Variants in MEGF10 observed in about 807,000 individuals in gnomAD.
MEGF10 encodes the protein multiple epidermal growth factor-like domains protein 10.
MEGF10 carries 86 observed loss-of-function variants against 147.5 expected under a neutral mutation model. The observed-to-expected ratio is 0.58, with a 90% CI of 0.49 to 0.70. The LOEUF (loss-of-function observed/expected upper bound fraction) is 0.70, where lower values mean the gene tolerates loss of function less well. Ranked by LOEUF, MEGF10 falls within the 30% of genes least tolerant of loss-of-function variation. MEGF10 has a pLI of 0.00. For missense variants in MEGF10, 1,329 were observed against 1,487.3 expected, an observed-to-expected ratio of 0.89 and a Z score of 1.75; for synonymous variants, 478 against 525.5, an observed-to-expected ratio of 0.91 and a Z score of 1.24.
chr5:127,405,391 T>A (rs1270805532), intron 8 of MEGF10, among the ~76,000 whole-genome samples: 1 of 152,186 alleles, frequency 6.6e-6, no homozygotes, highest in Non-Finnish European at 1.5e-5. Flanking sequence ...TGTAATTTTT[T>A]AAAATTTCAT....
intron 1 of MEGF10, among the ~76,000 whole-genome samples, chr5:127,304,646 G>A (rs1390530884): frequency 6.6e-6 from 1 of 152,180 alleles, no homozygotes; most frequent in South Asian, 2.1e-4. Context: ...GGTGCCTGCC[G>A]CCATGCCCTG....
At chr5:127,264,726 C>T in the MEGF10 span, among the ~76,000 whole-genome samples, 1 of 152,048 alleles carries the variant, frequency 6.6e-6, no homozygotes, top group Admixed American at 6.6e-5. Flanking sequence ...ATCCTAAATA[C>T]ATGATAAAAA....
At chr5:127,312,940 A>C (rs962416059) in intron 1 of MEGF10, among the ~76,000 whole-genome samples, 2 of 152,132 alleles carry the variant, frequency 1.3e-5, no homozygotes, top group African/African-American at 4.8e-5. Flanking sequence ...TCTGTCTTTG[A>C]TTGTGGCAGT....
At chr5:127,263,357 G>C in the MEGF10 span, among the ~76,000 whole-genome samples, 1 of 151,858 alleles carries the variant, frequency 6.6e-6, no homozygotes, top group African/African-American at 2.4e-5. Context: ...TAGATAAGCA[G>C]GACATTCATG....
chr5:127,448,223 G>A (rs1305815095), intron 21 of MEGF10, among the ~76,000 whole-genome samples: 3 of 152,122 alleles, frequency 2.0e-5, no homozygotes, highest in Non-Finnish European at 4.4e-5. Context: ...GTCAACAGTG[G>A]TCACATAGCA....
intron 22 of MEGF10, among the ~76,000 whole-genome samples, chr5:127,453,158 A>C (rs975291644): frequency 6.6e-6 from 1 of 152,196 alleles, no homozygotes; most frequent in African/African-American, 2.4e-5. Flanking sequence ...CTTACCTGGA[A>C]TGTTCATTGC....
intron 9 of MEGF10, among the ~76,000 whole-genome samples, chr5:127,414,986 G>C (rs1489144686): frequency 6.6e-6 from 1 of 152,042 alleles, no homozygotes; most frequent in Non-Finnish European, 1.5e-5. Context: ...GCTGAGACTG[G>C]AAAGACAAAC....
At chr5:127,319,169 G>A (rs1050546046) in intron 1 of MEGF10, among the ~76,000 whole-genome samples, 3 of 151,752 alleles carry the variant, frequency 2.0e-5, no homozygotes, top group East Asian at 1.9e-4. Context: ...CCTGCTTCCC[G>A]GGTTCAAGTG....
rs1766000886 is a variant in MEGF10 at position 127,447,664 on chromosome 5, G to A, written c.2836G>A (p.Asp946Asn). 3.7e-6 allele frequency: 6 copies of A among 1,614,124 alleles called. No homozygotes were observed. The highest frequency in any genetic ancestry group is 5.1e-6 in the Non-Finnish European group (6 of 1,179,996). ...CACATCCCCTCACGTCAACAACAGG[G>A]ACAGGATGACTGTCACGAAGGTGAG... ...CATSPHVNNR[D>N]RMTVTKSKNN... The change falls in exon 21 of 25, where the codon GAC becomes AAC. Residue 946 changes from aspartate (D) to asparagine (N), a missense_variant. Coordinates refer to ENST00000503335, the MANE Select transcript of MEGF10 (RefSeq NM_001256545.2).
chr5:127,269,081 C>T, the MEGF10 span, among the ~76,000 whole-genome samples: 1 of 152,224 alleles, frequency 6.6e-6, no homozygotes, highest in Non-Finnish European at 1.5e-5. Context: ...ACCAAAACCC[C>T]ATCTGTTGGT....
chr5:127,309,868 G>C (rs1422772757), intron 1 of MEGF10, among the ~76,000 whole-genome samples: 5 of 151,940 alleles, frequency 3.3e-5, no homozygotes, highest in Admixed American at 3.3e-4. Context: ...TCACCATACT[G>C]TTTTTCTACA....
At chr5:127,247,178 T>A in the MEGF10 span, among the ~76,000 whole-genome samples, 3 of 144,712 alleles carry the variant, frequency 2.1e-5, no homozygotes, top group African/African-American at 7.6e-5. Flanking sequence ...AAAACATGTT[T>A]TACAAAATTT....
intron 1 of MEGF10, among the ~76,000 whole-genome samples, chr5:127,301,383 T>C (rs1759764465): frequency 6.6e-6 from 1 of 151,822 alleles, no homozygotes; most frequent in African/African-American, 2.4e-5. Context: ...ATGGAGAAAA[T>C]AGGAGCATTT....
chr5:127,308,509 T>C (rs189206877), intron 1 of MEGF10, among the ~76,000 whole-genome samples: 1 of 152,244 alleles, frequency 6.6e-6, no homozygotes, highest in African/African-American at 2.4e-5. Context: ...GTGGCACATA[T>C]ACACCATGGA....
At chr5:127,434,938 G>A (rs1327472655) in intron 15 of MEGF10, 117 bp downstream of exon 15, 8 of 1,243,778 alleles carry the variant, frequency 6.4e-6, no homozygotes, top group Non-Finnish European at 8.6e-6. Flanking sequence ...TGCTGGGAAT[G>A]TCTTCTGCTG....
the MEGF10 span, among the ~76,000 whole-genome samples, chr5:127,274,084 C>T: frequency 1.3e-5 from 2 of 152,062 alleles, no homozygotes; most frequent in South Asian, 4.1e-4. Context: ...ATCTAGCAAT[C>T]TTAAATCATG....
chr5:127,356,238 G>A (rs539837649), intron 4 of MEGF10, among the ~76,000 whole-genome samples: 28 of 152,256 alleles, frequency 1.8e-4, no homozygotes, highest in Non-Finnish European at 3.2e-4. Flanking sequence ...AGATAATCCA[G>A]TGGTAAACCT....
chr5:127,449,226 A>T lies in MEGF10; in HGVS notation c.2980+4A>T, dbSNP rs1427792258. Reference sequence around the variant, plus strand: ...GGCGGCTACCTCAACGAGCTCGGTGAGTTCTCCCAACGCACGTCCCCAGAA... The same window carrying T: ...GGCGGCTACCTCAACGAGCTCGGTGTGTTCTCCCAACGCACGTCCCCAGAA... On this transcript the variant is annotated splice_donor_region_variant and intron_variant, in intron 22 of 24. Coordinates refer to ENST00000503335, the MANE Select transcript of MEGF10 (RefSeq NM_001256545.2). The T allele has an allele frequency of 8.7e-6, 14 of 1,613,386 alleles. No individual in the cohort carries two copies. Among genetic ancestry groups the T allele is most frequent in the African/African-American group, 1.3e-5 (1 of 75,022 alleles).
At chr5:127,238,016 T>C in the MEGF10 span, among the ~76,000 whole-genome samples, 3 of 148,162 alleles carry the variant, frequency 2.0e-5, no homozygotes, top group East Asian at 6.0e-4. Flanking sequence ...TTTAACAGGG[T>C]ATAAACTTCA....
Sources: gnomAD v4.1 joint callset for allele counts (sites outside exome capture counted in the v4.1 genomes callset) on GRCh38, gnomAD v4.1.1 for gene constraint, MANE v1.5 for transcripts, NCBI Gene and HGNC (gene_info 2026-07-23, HGNC 2026-07-21) for gene names.